TMEM132C: variants seen among roughly 807,000 people sequenced by gnomAD.
TMEM132C encodes the protein protein phosphatase 1, regulatory subunit 152.
TMEM132C carries 29 observed loss-of-function variants against 61.4 expected under a neutral mutation model. The ratio of observed to expected loss-of-function variants is 0.47; its 90% confidence interval spans 0.35 to 0.64. The LOEUF is 0.64. TMEM132C is among the 30% of genes least tolerant of loss of function. The pLI is 0.00. For missense variants in TMEM132C, 1,408 were observed against 1,476.9 expected (o/e 0.95, Z 0.76); for synonymous variants, 656 against 633.1 (o/e 1.04, Z -0.54).
At chr12:128,306,703 C>T (rs1871796762) in intron 1 of TMEM132C, among the ~76,000 whole-genome samples, 1 of 152,216 alleles carries the variant, frequency 6.6e-6, no homozygotes, top group East Asian at 1.9e-4. Context: ...AAGGAAGAGA[C>T]CTTTGTCCAC....
At chr12:128,468,247 G>A (rs1870809317) in intron 2 of TMEM132C, among the ~76,000 whole-genome samples, 1 of 152,180 alleles carries the variant, frequency 6.6e-6, no homozygotes, top group Admixed American at 6.5e-5. Flanking sequence ...TGAGGGGTGT[G>A]CAGGGAGGGC....
At chr12:128,323,716 A>T (rs1049034466) in intron 1 of TMEM132C, among the ~76,000 whole-genome samples, 2 of 152,160 alleles carry the variant, frequency 1.3e-5, no homozygotes, top group Admixed American at 6.5e-5. Context: ...GAGAAAATGT[A>T]ATTCCCTTGC....
intron 1 of TMEM132C, among the ~76,000 whole-genome samples, chr12:128,275,129 C>T (rs1246544968): frequency 6.6e-6 from 1 of 152,184 alleles, no homozygotes; most frequent in African/African-American, 2.4e-5. Flanking sequence ...GACAGCTTTT[C>T]TGAGCCTCAG....
chr12:128,533,626 C>T (rs1250185615), intron 2 of TMEM132C, among the ~76,000 whole-genome samples: 4 of 152,074 alleles, frequency 2.6e-5, no homozygotes, highest in African/African-American at 9.7e-5. Context: ...TTCCCCTTTT[C>T]ATAAGAACAC....
chr12:128,495,014 G>A (rs7139431), intron 2 of TMEM132C, among the ~76,000 whole-genome samples: 5,726 of 88,892 alleles, frequency 0.064, 220 homozygotes, highest in East Asian at 0.14. Flanking sequence ...ACACTGCTTT[G>A]AATGTGTTCC....
intron 1 of TMEM132C, among the ~76,000 whole-genome samples, chr12:128,396,478 G>A (rs1593038587): frequency 1.6e-5 from 1 of 61,444 alleles, no homozygotes; most frequent in Admixed American, 1.4e-4. Flanking sequence ...CCTAGATGAC[G>A]GGTTGATGGG....
chr12:128,603,919 AG>A (rs1876298072), intron 3 of TMEM132C, among the ~76,000 whole-genome samples: 1 of 152,206 alleles, frequency 6.6e-6, no homozygotes, highest in Non-Finnish European at 1.5e-5. Context: ...TGGTCAGGAC[AG>A]GGAAGAACCC....
chr12:128,377,770 A>T (rs1407994894), intron 1 of TMEM132C, among the ~76,000 whole-genome samples: 1 of 152,110 alleles, frequency 6.6e-6, no homozygotes, highest in Non-Finnish European at 1.5e-5. Flanking sequence ...AAGTAGGAAA[A>T]CACATGGTGT....
chr12:128,398,780 G>A (rs986060030), intron 1 of TMEM132C, among the ~76,000 whole-genome samples: 2 of 152,138 alleles, frequency 1.3e-5, no homozygotes, highest in Non-Finnish European at 2.9e-5. Context: ...TGCAGCACCC[G>A]GACCAACAGG....
At chr12:128,623,575 G>A (rs1953987395) in intron 4 of TMEM132C, among the ~76,000 whole-genome samples, 1 of 152,072 alleles carries the variant, frequency 6.6e-6, no homozygotes, top group East Asian at 1.9e-4. Context: ...GGGAGGCCAA[G>A]GCAGGCGGAT....
At chr12:128,520,445 C>A (rs551499197) in intron 2 of TMEM132C, among the ~76,000 whole-genome samples, 2 of 152,282 alleles carry the variant, frequency 1.3e-5, no homozygotes, top group South Asian at 4.1e-4. Context: ...TAAATATGAA[C>A]CCTTGGTTCA....
chr12:128,518,153 C>T (rs541005137), intron 2 of TMEM132C, among the ~76,000 whole-genome samples: 1 of 152,328 alleles, frequency 6.6e-6, no homozygotes, highest in African/African-American at 2.4e-5. Context: ...CGGCCCTGCG[C>T]TTTCTGGGCC....
At chr12:128,404,258 A>G (rs1308146619) in intron 1 of TMEM132C, among the ~76,000 whole-genome samples, 2 of 152,164 alleles carry the variant, frequency 1.3e-5, no homozygotes, top group Non-Finnish European at 2.9e-5. Flanking sequence ...TAAAAATACT[A>G]TATTTGTGGG....
chr12:128,570,263 C>T lies in TMEM132C; in HGVS notation c.1121+26160C>T, dbSNP rs546778795. Among the ~76,000 whole-genome samples the T allele has an allele frequency of 2.6e-5, 4 of 152,156 alleles. No homozygotes were observed. The highest frequency in any genetic ancestry group is 1.9e-4 in the East Asian group (1 of 5,168). On this transcript the variant is annotated intron_variant, in intron 3 of 8. Coordinates refer to ENST00000435159, the MANE Select transcript of TMEM132C (RefSeq NM_001136103.3). The surrounding 1 kb of genome is among the most constrained non-coding windows in gnomAD (Gnocchi z 4.7). The stretch of plus-strand genomic sequence containing the variant: ...GGTCACATTGAGAAAAGATGCAAGA[C>T]GCATTCTGACACTTAGGTGAAGCAC...
At chr12:128,616,445 C>T in intron 4 of TMEM132C, 110 bp downstream of exon 4, 2 of 1,141,260 alleles carry the variant, frequency 1.8e-6, no homozygotes, top group East Asian at 2.6e-5. Flanking sequence ...GGAGTGTTTA[C>T]TTTCAAAGTT....
chr12:128,578,333 T>A (rs893638302), intron 3 of TMEM132C, among the ~76,000 whole-genome samples: 1 of 152,206 alleles, frequency 6.6e-6, no homozygotes, highest in Admixed American at 6.5e-5. Flanking sequence ...GCAGCCTGTA[T>A]GTCAACATGG....
At chr12:128,589,353 G>A (rs1007799303) in intron 3 of TMEM132C, among the ~76,000 whole-genome samples, 1 of 151,830 alleles carries the variant, frequency 6.6e-6, no homozygotes, top group African/African-American at 2.4e-5. Flanking sequence ...GCATCCCTCC[G>A]CCCAGACCTC....
chr12:128,280,849 C>G (rs1307636681), intron 1 of TMEM132C, among the ~76,000 whole-genome samples: 1 of 152,088 alleles, frequency 6.6e-6, no homozygotes, highest in Non-Finnish European at 1.5e-5. Context: ...AGTTTCTGAA[C>G]CATTCAACCC....
intron 3 of TMEM132C, among the ~76,000 whole-genome samples, chr12:128,602,248 C>T (rs1876221644): frequency 1.3e-5 from 2 of 152,312 alleles, no homozygotes; most frequent in South Asian, 4.1e-4. Context: ...CTTCAGCTTA[C>T]CAACGCATGA....
Sources: allele counts gnomAD v4.1 joint callset (sites outside exome capture counted in the v4.1 genomes callset), GRCh38; gene constraint gnomAD v4.1.1; non-coding constraint Gnocchi (gnomAD v3.1); transcripts MANE v1.5; gene names NCBI Gene and HGNC (gene_info 2026-07-23, HGNC 2026-07-21).